The following GRIP1 variants were observed in gnomAD, a reference collection of about 807,000 sequenced individuals.
GRIP1 encodes the protein glutamate receptor-interacting protein 1.
GRIP1 carries 45 observed loss-of-function variants against 129.9 expected under a neutral mutation model. That is an observed-to-expected ratio of 0.35 (90% CI 0.27 to 0.44). The LOEUF is 0.44. Among genes scored for constraint, GRIP1 ranks in the 20% least tolerant of loss-of-function variants. GRIP1 has a pLI of 1.00. For missense variants in GRIP1, 1,196 were observed against 1,396.8 expected (o/e 0.86, Z 2.29); for synonymous variants, 530 against 520.8 (o/e 1.02, Z -0.24).
intron 1 of GRIP1, among the ~76,000 whole-genome samples, chr12:66,636,464 A>G (rs2031381507): frequency 6.6e-6 from 1 of 152,166 alleles, no homozygotes; most frequent in Non-Finnish European, 1.5e-5. Context: ...TATCCACTAG[A>G]TTGAAAACAA....
chr12:66,910,476 A>C (rs1403190906), intron 1 of GRIP1, among the ~76,000 whole-genome samples: 2 of 152,112 alleles, frequency 1.3e-5, no homozygotes, highest in Non-Finnish European at 2.9e-5. Flanking sequence ...TCTGTATTGA[A>C]ACCAAAAGGC....
intron 16 of GRIP1, among the ~76,000 whole-genome samples, chr12:66,402,256 C>T (rs2057029226): frequency 6.6e-6 from 1 of 152,198 alleles, no homozygotes; most frequent in African/African-American, 2.4e-5. Context: ...TGACATTCAT[C>T]ATATTGTTAA....
chr12:66,529,985 G>A (rs2061390125), intron 4 of GRIP1, 71 bp from the exon 5 acceptor site: 12 of 950,404 alleles, frequency 1.3e-5, no homozygotes. Context: ...ATTCAATGTG[G>A]CATAAAATAT....
intron 1 of GRIP1, among the ~76,000 whole-genome samples, chr12:66,886,777 ACTCC>A (rs1203825980): frequency 3.3e-5 from 5 of 152,110 alleles, no homozygotes; most frequent in Admixed American, 3.3e-4. Flanking sequence ...CACAAAAAGC[ACTCC>A]CTAACAAATA....
intron 23 of GRIP1, among the ~76,000 whole-genome samples, chr12:66,366,674 ATTTTTGTTTTTG>A (rs914359780): frequency 5.3e-5 from 8 of 152,100 alleles, no homozygotes; most frequent in Non-Finnish European, 1.2e-4. Flanking sequence ...TGTCAATATG[ATTTTTGTTTTTG>A]TTTTTGTTTT....
chr12:66,383,296 C>CAAA (rs1285686674), intron 19 of GRIP1, among the ~76,000 whole-genome samples: 2 of 111,042 alleles, frequency 1.8e-5, no homozygotes, highest in Non-Finnish European at 3.8e-5. Context: ...CACTCTGTCT[C>CAAA]AAAAACAACA....
At chr12:66,551,820 G>A (rs1324756101) in intron 2 of GRIP1, among the ~76,000 whole-genome samples, 2 of 152,086 alleles carry the variant, frequency 1.3e-5, no homozygotes, top group Non-Finnish European at 2.9e-5. Context: ...GGGCTCAAGC[G>A]ATGGTCCTGC....
At chr12:66,460,260 T>C (rs1450070013) in intron 9 of GRIP1, among the ~76,000 whole-genome samples, 1 of 152,202 alleles carries the variant, frequency 6.6e-6, no homozygotes, top group African/African-American at 2.4e-5. Flanking sequence ...ATTTAAAATA[T>C]TATGGTTCTT....
chr12:66,612,087 A>T (rs1446077813), intron 1 of GRIP1, among the ~76,000 whole-genome samples: 1 of 152,128 alleles, frequency 6.6e-6, no homozygotes, highest in Non-Finnish European at 1.5e-5. Flanking sequence ...AACTTGTGCA[A>T]ATTAACCAAT....
rs531016907 is a variant in GRIP1 at position 66,367,317 on chromosome 12, C to T, written c.3012+4377G>A. Among the ~76,000 whole-genome samples, 14 of 152,280 alleles carry T rather than the reference C, an allele frequency of 9.2e-5. No individual in the cohort carries two copies. The South Asian group carries it at 2.5e-3, about 27-fold the overall frequency. On this transcript the variant is annotated intron_variant, in intron 23 of 24. Transcript: ENST00000359742. ...CCTCATTTCCTTTGTACCCTGCCAC[C>T]CAGCTGTTGCCTATGATTTCACTGA...
At chr12:66,824,120 G>GTAGC (rs745847124) in intron 1 of GRIP1, among the ~76,000 whole-genome samples, 5 of 152,164 alleles carry the variant, frequency 3.3e-5, no homozygotes, top group Non-Finnish European at 7.4e-5. Context: ...CGTGGCAGAG[G>GTAGC]TAGCCTGAGT....
intron 11 of GRIP1, among the ~76,000 whole-genome samples, chr12:66,445,937 T>C (rs1258070134): frequency 6.6e-6 from 1 of 152,214 alleles, no homozygotes; most frequent in Non-Finnish European, 1.5e-5. Context: ...GCCATTTGCA[T>C]CTGGGCTTTG....
intron 22 of GRIP1, among the ~76,000 whole-genome samples, chr12:66,372,716 G>C (rs2055578136): frequency 6.7e-6 from 1 of 150,152 alleles, no homozygotes; most frequent in South Asian, 2.1e-4. Flanking sequence ...CACAAGCAAT[G>C]ACAAGATTAG....
intron 1 of GRIP1, among the ~76,000 whole-genome samples, chr12:66,739,748 T>TAAA (rs76377499): frequency 7.4e-6 from 1 of 135,320 alleles, no homozygotes. Context: ...TAAAATAAAA[T>TAAA]AAAAAAAAAA....
chr12:66,925,119 G>C (rs1197653614), intron 1 of GRIP1, among the ~76,000 whole-genome samples: 1 of 152,208 alleles, frequency 6.6e-6, no homozygotes, highest in Admixed American at 6.5e-5. Flanking sequence ...TTCATAGGAA[G>C]AGAGTATAAG....
chr12:66,738,057 T>A (rs901651839), intron 1 of GRIP1, among the ~76,000 whole-genome samples: 1 of 152,018 alleles, frequency 6.6e-6, no homozygotes, highest in Non-Finnish European at 1.5e-5. Flanking sequence ...TGGGACCCCC[T>A]GGCTGGAAGG....
intron 1 of GRIP1, among the ~76,000 whole-genome samples, chr12:67,048,150 G>GAA (rs35243687): frequency 1.5e-5 from 2 of 137,392 alleles, no homozygotes; most frequent in African/African-American, 5.4e-5. Flanking sequence ...CTTATTTTGG[G>GAA]AAAAAAAAAA....
At chr12:66,368,247 A>G (rs2137253105) in intron 23 of GRIP1, among the ~76,000 whole-genome samples, 1 of 151,992 alleles carries the variant, frequency 6.6e-6, no homozygotes, top group Middle Eastern at 3.4e-3. Context: ...GAGTGTTTTT[A>G]GCTATTTTTC....
intron 1 of GRIP1, among the ~76,000 whole-genome samples, chr12:66,955,030 G>T (rs2041817491): frequency 6.6e-6 from 1 of 152,158 alleles, no homozygotes; most frequent in Admixed American, 6.5e-5. Context: ...AGACATTTAA[G>T]GGGGTGGTGA....
Sources: allele counts gnomAD v4.1 joint callset (sites outside exome capture counted in the v4.1 genomes callset), GRCh38; gene constraint gnomAD v4.1.1; transcripts MANE v1.5; gene names NCBI Gene and HGNC (gene_info 2026-07-23, HGNC 2026-07-21).